Variants in AFF2 observed in about 807,000 individuals in gnomAD.
AFF2 encodes AF4/FMR2 family member 2.
AFF2 carries 14 observed loss-of-function variants against 76.9 expected under a neutral mutation model. That is an observed-to-expected ratio of 0.18 (90% CI 0.12 to 0.28). The LOEUF (loss-of-function observed/expected upper bound fraction) is 0.28. Among genes scored for constraint, AFF2 ranks in the 10% least tolerant of loss-of-function variants. The probability of loss-of-function intolerance (pLI) is 1.00; values close to 1 mark genes in which losing one functional copy is unlikely to be tolerated. For synonymous variants in AFF2, 398 were observed against 366.7 expected (o/e 1.09, Z -0.98); for missense variants, 868 against 1,001.1 (o/e 0.87, Z 1.79).
At chrX:148,703,191 G>T (rs868983476) in intron 3 of AFF2, among the ~76,000 whole-genome samples, 3 of 111,872 alleles carry the variant, frequency 2.7e-5, no homozygotes, top group African/African-American at 9.8e-5. Flanking sequence ...TAACAATGTG[G>T]TGATTCTCCA....
chrX:148,708,719 C>G (rs782065349), intron 3 of AFF2, among the ~76,000 whole-genome samples: 1 of 111,816 alleles, frequency 8.9e-6, no homozygotes, highest in Non-Finnish European at 1.9e-5. Flanking sequence ...GTCTCAAAAA[C>G]AAAACAAAAC....
At chrX:148,571,310 T>C (rs2053227309) in intron 1 of AFF2, among the ~76,000 whole-genome samples, 1 of 111,599 alleles carries the variant, frequency 9.0e-6, no homozygotes, top group Non-Finnish European at 1.9e-5. Flanking sequence ...CTCCTGCCTA[T>C]GATTACTGTG....
intron 7 of AFF2, among the ~76,000 whole-genome samples, chrX:148,863,967 G>T (rs1557276642): frequency 1.8e-5 from 2 of 111,384 alleles, no homozygotes; most frequent in African/African-American, 6.5e-5. Flanking sequence ...TCCTTAATTT[G>T]CTTTTCTCCC....
At chrX:148,635,333 C>T (rs1160377864) in intron 1 of AFF2, among the ~76,000 whole-genome samples, 5 of 110,944 alleles carry the variant, frequency 4.5e-5, no homozygotes, top group Non-Finnish European at 9.4e-5. Context: ...GGTCGCCAGC[C>T]AGGCAGTGAA....
intron 1 of AFF2, among the ~76,000 whole-genome samples, chrX:148,616,856 G>A (rs1381593506): frequency 9.1e-6 from 1 of 109,920 alleles, no homozygotes; most frequent in Non-Finnish European, 1.9e-5. Flanking sequence ...AGTTTGCTGA[G>A]AATGATGGTT....
chrX:148,768,020 C>A (rs782372410), intron 3 of AFF2, among the ~76,000 whole-genome samples: 1 of 107,886 alleles, frequency 9.3e-6, no homozygotes, highest in African/African-American at 3.4e-5. Flanking sequence ...CTGACTGGTG[C>A]CTACTGCCGC....
intron 19 of AFF2, among the ~76,000 whole-genome samples, chrX:148,983,960 A>AAAAAAAAAAAAAAAAAAAAAAAAC: frequency 1.0e-5 from 1 of 100,276 alleles, no homozygotes; most frequent in Non-Finnish European, 2.0e-5. Flanking sequence ...AGACAAAAAA[A>AAAAAAAAAAAAAAAAAAAAAAAAC]AAAAAAAACT....
intron 4 of AFF2, among the ~76,000 whole-genome samples, chrX:148,821,177 C>T (rs782706285): frequency 4.2e-4 from 47 of 111,558 alleles, no homozygotes; most frequent in African/African-American, 1.5e-3. Context: ...TTAACCTTTT[C>T]GTACCTCATT....
At chrX:148,709,322 G>T (rs2054929666) in intron 3 of AFF2, among the ~76,000 whole-genome samples, 1 of 111,468 alleles carries the variant, frequency 9.0e-6, no homozygotes, top group Admixed American at 9.6e-5. Flanking sequence ...GGAAAAGATA[G>T]GATTAGAATG....
At chrX:148,873,944 T>G (rs1442283) in intron 7 of AFF2, among the ~76,000 whole-genome samples, 5,009 of 111,767 alleles carry the variant, frequency 0.045, 94 homozygotes, top group South Asian at 0.092. Flanking sequence ...AAATACTAAG[T>G]CTTGGCCAGT....
chrX:148,607,459 C>T (rs2053683340), intron 1 of AFF2, among the ~76,000 whole-genome samples: 2 of 111,592 alleles, frequency 1.8e-5, no homozygotes, highest in African/African-American at 3.3e-5. Context: ...TGCACACACA[C>T]TCTTGCCTGC....
intron 7 of AFF2, among the ~76,000 whole-genome samples, chrX:148,884,499 C>CTGGAAAAACACCCAAGTGGGAT (rs1429134225): frequency 1.8e-5 from 2 of 112,889 alleles, no homozygotes; most frequent in Non-Finnish European, 3.7e-5. Context: ...GGCTTCTCTT[C>CTGGAAAAACACCCAAGTGGGAT]TGGAAAAACA....
intron 9 of AFF2, among the ~76,000 whole-genome samples, chrX:148,914,921 T>C (rs992371734): frequency 1.2e-4 from 13 of 112,487 alleles, no homozygotes; most frequent in Non-Finnish European, 2.1e-4. Context: ...TCTAGGGAAA[T>C]GATGCATGCC....
In AFF2 at chrX:148,996,131, C is replaced by T. The variant is rs1034206980; in HGVS notation, c.*4799C>T. ...TGGTGACAATGGGTAGTCAAATGCA[C>T]CCCAGATGCTCAAGCCCTGTTGTGG... On this transcript the variant is annotated 3_prime_UTR_variant, in exon 21 of 21. Transcript: ENST00000370460. The T allele has an allele frequency of 8.9e-6, 1 of 112,375 alleles. No individual in the cohort carries two copies. The highest frequency in any genetic ancestry group is 1.9e-5 in the Non-Finnish European group (1 of 53,279). The allele number at this position is 112,375 out of a possible 1,213,427, so 9.3% of individuals were successfully genotyped here.
chrX:148,506,820 A>G (rs782661830), intron 1 of AFF2, among the ~76,000 whole-genome samples: 2 of 111,903 alleles, frequency 1.8e-5, no homozygotes, highest in East Asian at 5.6e-4. Context: ...AAGATTTGTT[A>G]GGATTGATAT....
At chrX:148,665,650 T>C (rs1440432215) in intron 3 of AFF2, among the ~76,000 whole-genome samples, 3 of 111,658 alleles carry the variant, frequency 2.7e-5, no homozygotes, top group African/African-American at 9.8e-5. Flanking sequence ...AGGAGCATTA[T>C]GGAGCTTTGA....
rs1212981156 is a variant in AFF2, at chrX:148,624,229, G to A, written c.48-27770G>A. Among the ~76,000 whole-genome samples the A allele has an allele frequency of 6.3e-5, 7 of 111,095 alleles. No homozygotes were observed. The South Asian group carries it at 2.3e-3, about 36-fold the overall frequency. ...CTTCCCCATCACCACGTCTAACCTC[G>A]TCACCAGCCACTTTTTATTCTGAAC... On this transcript the variant is annotated intron_variant, in intron 1 of 20. Coordinates refer to ENST00000370460, the MANE Select transcript of AFF2 (RefSeq NM_002025.4).
At chrX:148,799,762 T>C (rs1265434537) in intron 3 of AFF2, among the ~76,000 whole-genome samples, 2 of 112,259 alleles carry the variant, frequency 1.8e-5, no homozygotes, top group Non-Finnish European at 3.8e-5. Context: ...TTTAAAATCC[T>C]CATTAGGGAT....
chrX:148,953,810 C>T (rs2072000689), intron 10 of AFF2, 71 bp downstream of exon 10: 1 of 729,911 alleles, frequency 1.4e-6, no homozygotes, highest in Admixed American at 2.7e-5. Flanking sequence ...CACACACACA[C>T]ACAGACACAC....
Sources: allele counts gnomAD v4.1 joint callset (sites outside exome capture counted in the v4.1 genomes callset), GRCh38; gene constraint gnomAD v4.1.1; transcripts MANE v1.5; gene names NCBI Gene and HGNC (gene_info 2026-07-23, HGNC 2026-07-21).